The following PRKACB variants were observed in gnomAD, a reference collection of about 807,000 sequenced individuals.
PRKACB encodes cAMP-dependent protein kinase catalytic subunit beta.
Under a neutral mutation model 51.4 loss-of-function variants are expected in PRKACB, and 16 were observed. That is an observed-to-expected ratio of 0.31 (90% CI 0.21 to 0.47). The LOEUF (loss-of-function observed/expected upper bound fraction) is 0.47, where lower values mean the gene tolerates loss of function less well. Among genes scored for constraint, PRKACB ranks in the 20% least tolerant of loss-of-function variants. The probability of loss-of-function intolerance (pLI) is 1.00; values close to 1 mark genes in which losing one functional copy is unlikely to be tolerated. For missense variants in PRKACB, 309 were observed against 464.5 expected, an observed-to-expected ratio of 0.67 and a Z score of 3.08; for synonymous variants, 147 against 154.4, an observed-to-expected ratio of 0.95 and a Z score of 0.35.
At chr1:84,187,955 A>G (rs1296968337) in intron 5 of PRKACB, among the ~76,000 whole-genome samples, 1 of 152,084 alleles carries the variant, frequency 6.6e-6, no homozygotes, top group Non-Finnish European at 1.5e-5. Flanking sequence ...TTTAAATACG[A>G]TAGTTCAGTT....
intron 9 of PRKACB, among the ~76,000 whole-genome samples, chr1:84,217,643 G>A (rs2101602506): frequency 6.6e-6 from 1 of 152,160 alleles, no homozygotes; most frequent in East Asian, 1.9e-4. Context: ...AAATAAAAAA[G>A]AATTAGCCAG....
At chr1:84,161,528 T>C (rs1313564865) in intron 1 of PRKACB, among the ~76,000 whole-genome samples, 1 of 151,888 alleles carries the variant, frequency 6.6e-6, no homozygotes, top group East Asian at 1.9e-4. Flanking sequence ...TTTTTGTTGT[T>C]CCTCTTTTCC....
chr1:84,153,060 C>T (rs1281442017), intron 1 of PRKACB, among the ~76,000 whole-genome samples: 1 of 151,910 alleles, frequency 6.6e-6, no homozygotes, highest in African/African-American at 2.4e-5. Context: ...GGCGTAATTT[C>T]AGTATTGCTG....
intron 1 of PRKACB, among the ~76,000 whole-genome samples, chr1:84,172,662 A>C (rs1254684302): frequency 6.6e-6 from 1 of 151,570 alleles, no homozygotes; most frequent in African/African-American, 2.4e-5. Context: ...AAAAGTGTTT[A>C]TATTTTTCCA....
chr1:84,132,095 G>A (rs1652281449), intron 1 of PRKACB, among the ~76,000 whole-genome samples: 1 of 152,134 alleles, frequency 6.6e-6, no homozygotes, highest in South Asian at 2.1e-4. Context: ...GTTTCAGTGG[G>A]GGAAAATGTA....
intron 1 of PRKACB, among the ~76,000 whole-genome samples, chr1:84,133,636 G>A (rs1350821439): frequency 6.6e-6 from 1 of 152,140 alleles, no homozygotes; most frequent in African/African-American, 2.4e-5. Flanking sequence ...GCTTTACTCG[G>A]CTTCACTCGC....
intron 1 of PRKACB, among the ~76,000 whole-genome samples, chr1:84,164,024 A>G (rs1369397472): frequency 6.6e-6 from 1 of 152,036 alleles, no homozygotes; most frequent in East Asian, 1.9e-4. Context: ...AATAATTGCC[A>G]GTAACTTTTT....
At chr1:84,202,573 T>G (rs1207878397) in intron 7 of PRKACB, 110 bp from the exon 8 acceptor site, 1 of 1,164,078 alleles carries the variant, frequency 8.6e-7, no homozygotes, top group African/African-American at 1.6e-5. Context: ...GCTCAGCAAT[T>G]GCTTTAAAAA....
At chr1:84,180,105 T>A (rs1572124516) in intron 2 of PRKACB, among the ~76,000 whole-genome samples, 1 of 140,622 alleles carries the variant, frequency 7.1e-6, no homozygotes, top group East Asian at 2.1e-4. Context: ...CGCATGCTTA[T>A]AGTAGCACAA....
intron 9 of PRKACB, among the ~76,000 whole-genome samples, chr1:84,230,995 C>T (rs2101694674): frequency 7.0e-6 from 1 of 142,914 alleles, no homozygotes; most frequent in South Asian, 2.4e-4. Context: ...AGAGGGCATC[C>T]CTGTCTTGTG....
chr1:84,178,255 G>A (rs1043012145), intron 1 of PRKACB, among the ~76,000 whole-genome samples: 2 of 151,760 alleles, frequency 1.3e-5, no homozygotes, highest in African/African-American at 4.8e-5. Context: ...CACTAGTATA[G>A]TCAGGTTTTA....
At chr1:84,185,040 A>G in intron 4 of PRKACB, 60 bp from the exon 5 acceptor site, 2 of 989,512 alleles carry the variant, frequency 2.0e-6, no homozygotes, top group Non-Finnish European at 2.9e-6. Context: ...AGCATTATAT[A>G]ATATTAAAAT....
intron 1 of PRKACB, among the ~76,000 whole-genome samples, chr1:84,128,141 T>C (rs762111844): frequency 2.0e-5 from 3 of 151,708 alleles, no homozygotes; most frequent in Non-Finnish European, 4.4e-5. Context: ...CCTGAGTAGC[T>C]GGAATTACAG....
rs1676797431 is a variant in PRKACB, at chr1:84,237,929, A to G, written c.*2624A>G. The G allele has an allele frequency of 1.3e-5, 2 of 152,232 alleles. No homozygotes were observed. Among genetic ancestry groups the G allele is most frequent in the South Asian group, 4.1e-4 (2 of 4,828 alleles). 9.4% of individuals were successfully genotyped at this position (152,232 alleles called of 1,614,324 possible). A position where few individuals can be genotyped will look rare whatever the true frequency, so the allele number is the denominator to read the frequency against. ...TAGGCAGTTTGTAAGATTCCTCCTA[A>G]CTTTCACAGTCGATGACAAGATTGT... On this transcript the variant is annotated 3_prime_UTR_variant, in exon 10 of 10. Transcript: ENST00000370685.
chr1:84,223,508 A>G (rs577808175), intron 9 of PRKACB, among the ~76,000 whole-genome samples: 5 of 151,952 alleles, frequency 3.3e-5, no homozygotes, highest in African/African-American at 1.2e-4. Context: ...AGCTGGGACG[A>G]CAGGCACCCG....
At chr1:84,214,124 G>A in intron 8 of PRKACB, 29 bp from the exon 9 acceptor site, 1 of 1,572,926 alleles carries the variant, frequency 6.4e-7, no homozygotes, top group Non-Finnish European at 8.6e-7. Context: ...CTTAGAATGT[G>A]TGTTTTACCA....
intron 1 of PRKACB, among the ~76,000 whole-genome samples, chr1:84,156,370 T>C (rs1655503061): frequency 1.3e-5 from 2 of 152,208 alleles, no homozygotes; most frequent in Admixed American, 6.5e-5. Flanking sequence ...ACAAATTTTA[T>C]GTACCTTGTC....
chr1:84,200,660 A>G (rs1161243202), intron 7 of PRKACB, among the ~76,000 whole-genome samples: 1 of 152,054 alleles, frequency 6.6e-6, no homozygotes. Flanking sequence ...TGATTTTTGT[A>G]TATGGTATAA....
At chr1:84,187,440 A>G (rs768352118) in intron 5 of PRKACB, among the ~76,000 whole-genome samples, 1 of 152,154 alleles carries the variant, frequency 6.6e-6, no homozygotes, top group Non-Finnish European at 1.5e-5. Flanking sequence ...TGTTCACACC[A>G]TGGAAAACAT....
Sources: allele counts gnomAD v4.1 joint callset (sites outside exome capture counted in the v4.1 genomes callset), GRCh38; gene constraint gnomAD v4.1.1; transcripts MANE v1.5; gene names NCBI Gene and HGNC (gene_info 2026-07-23, HGNC 2026-07-21).